CDS1: variants seen among roughly 807,000 people sequenced by gnomAD.
CDS1 encodes CDP-diacylglycerol synthase 1.
A neutral mutation model predicts 62.1 loss-of-function variants in CDS1; 41 were observed. The ratio of observed to expected loss-of-function variants is 0.66; its 90% CI spans 0.51 to 0.86. The LOEUF is 0.86. Among genes scored for constraint, CDS1 ranks in the 40% least tolerant of loss-of-function variants. CDS1 has a pLI of 0.00. For synonymous variants in CDS1, 185 were observed against 192.6 expected (o/e 0.96, Z 0.32); for missense variants, 470 against 550.1 (o/e 0.85, Z 1.46).
intron 1 of CDS1, among the ~76,000 whole-genome samples, chr4:84,596,599 C>T (rs987852845): frequency 4.6e-5 from 7 of 152,192 alleles, no homozygotes; most frequent in Non-Finnish European, 5.9e-5. Context: ...GATAAGCTCA[C>T]CACGTCAAGA....
chr4:84,637,792 A>T (rs1724258995), intron 8 of CDS1, among the ~76,000 whole-genome samples: 2 of 152,256 alleles, frequency 1.3e-5, no homozygotes, highest in African/African-American at 4.8e-5. Context: ...TCGATATGAT[A>T]TGCATCAATT....
rs998152761 is a variant in CDS1 at position 84,649,259 on chromosome 4, G to A, written c.*573G>A. The A allele has an allele frequency of 5.3e-5, 8 of 152,086 alleles. No homozygotes were observed. The highest frequency in any genetic ancestry group is 1.9e-4 in the African/African-American group (8 of 41,400). The allele number at this position is 152,086 out of a possible 1,614,324, so 9.4% of individuals were successfully genotyped here. On this transcript the variant is annotated 3_prime_UTR_variant, in exon 13 of 13. Coordinates refer to ENST00000295887, the MANE Select transcript of CDS1 (RefSeq NM_001263.4). ...GCCAGGGGAAAACATTCTGCTTTTA[G>A]GTAGTTTCAAAATTCAGGGGAGGGA...
chr4:84,598,793 A>G (rs927456252), intron 1 of CDS1, among the ~76,000 whole-genome samples: 8 of 152,220 alleles, frequency 5.3e-5, no homozygotes, highest in African/African-American at 1.9e-4. Context: ...AACTGACATA[A>G]TAGTTGTATA....
intron 1 of CDS1, among the ~76,000 whole-genome samples, chr4:84,595,214 C>T (rs1240035055): frequency 2.0e-5 from 3 of 152,028 alleles, no homozygotes; most frequent in Non-Finnish European, 2.9e-5. Flanking sequence ...CTGGTTTCTG[C>T]TTACTCCTTA....
chr4:84,650,918 C>T lies in CDS1; in HGVS notation c.*2232C>T, dbSNP rs1416197694. The T allele has an allele frequency of 6.6e-6, 1 of 152,086 alleles. No individual in the cohort carries two copies. The highest frequency in any genetic ancestry group is 1.5e-5 in the Non-Finnish European group (1 of 68,024). 9.4% of individuals were successfully genotyped at this position (152,086 alleles called of 1,614,324 possible). A position where few individuals can be genotyped will look rare whatever the true frequency, so the allele number is the denominator to read the frequency against. On this transcript the variant is annotated 3_prime_UTR_variant, in exon 13 of 13. Transcript: ENST00000295887. ...TTTGATATTTGCACTGTGAAGAGGG[C>T]TTAAATTCCAATGTAGCAATGTGGT...
At chr4:84,616,549 A>G (rs1016930366) in intron 3 of CDS1, among the ~76,000 whole-genome samples, 6 of 152,218 alleles carry the variant, frequency 3.9e-5, no homozygotes, top group Non-Finnish European at 7.3e-5. Flanking sequence ...TTTCAGTCAC[A>G]TAATATTTTA....
intron 1 of CDS1, among the ~76,000 whole-genome samples, chr4:84,596,398 G>GA (rs1200986098): frequency 2.6e-5 from 4 of 152,206 alleles, no homozygotes; most frequent in Non-Finnish European, 4.4e-5. Flanking sequence ...GGCTGCAGGG[G>GA]AAAATCTGTT....
intron 1 of CDS1, 63 bp downstream of exon 1, chr4:84,583,581 C>G: frequency 2.0e-6 from 2 of 1,015,916 alleles, no homozygotes; most frequent in Non-Finnish European, 1.4e-6. Flanking sequence ...AAGCGGGACA[C>G]TTGAGAGCAA....
intron 11 of CDS1, among the ~76,000 whole-genome samples, chr4:84,644,729 T>C (rs1724502531): frequency 6.6e-6 from 1 of 152,164 alleles, no homozygotes; most frequent in Non-Finnish European, 1.5e-5. Flanking sequence ...GTAATTTTAT[T>C]TTTTACTCTA....
rs775155921 is a variant in CDS1 at position 84,651,235 on chromosome 4, T to C, written c.*2549T>C. On this transcript the variant is annotated 3_prime_UTR_variant, in exon 13 of 13. Transcript: ENST00000295887. ...AAAAAGAAAAAGCATAAACAGTGTATATTTAGGGTATATGGGTGATAGCTT... is the reference window on the plus strand; with the variant it reads ...AAAAAGAAAAAGCATAAACAGTGTACATTTAGGGTATATGGGTGATAGCTT... The C allele has an allele frequency of 3.3e-5, 5 of 152,184 alleles. No homozygotes were observed. The highest frequency in any genetic ancestry group is 7.3e-5 in the Non-Finnish European group (5 of 68,040). The allele number at this position is 152,184 out of a possible 1,614,324, so 9.4% of individuals were successfully genotyped here. A position where few individuals can be genotyped will look rare whatever the true frequency, so the allele number is the denominator to read the frequency against.
chr4:84,609,913 G>A (rs970614736), intron 3 of CDS1, among the ~76,000 whole-genome samples: 33 of 152,028 alleles, frequency 2.2e-4, no homozygotes, highest in African/African-American at 7.5e-4. Context: ...CAGCTACTGG[G>A]GAGGCTGAGG....
chr4:84,609,180 C>CAAA (rs1230335142), intron 2 of CDS1, among the ~76,000 whole-genome samples: 6 of 91,444 alleles, frequency 6.6e-5, no homozygotes, highest in African/African-American at 1.6e-4. Flanking sequence ...GACTCCGTCT[C>CAAA]AAAAAAAAAA....
chr4:84,637,162 A>T (rs1030080487), intron 8 of CDS1, among the ~76,000 whole-genome samples: 49 of 152,144 alleles, frequency 3.2e-4, no homozygotes, highest in African/African-American at 1.2e-3. Context: ...CTGTATAAGG[A>T]TACTGGTAAG....
chr4:84,626,323 A>G (rs1723861134), intron 5 of CDS1, among the ~76,000 whole-genome samples: 1 of 152,240 alleles, frequency 6.6e-6, no homozygotes, highest in Non-Finnish European at 1.5e-5. Flanking sequence ...CAATAATTGC[A>G]TATTCACATG....
At chr4:84,603,146 G>T (rs187414872) in intron 1 of CDS1, among the ~76,000 whole-genome samples, 2 of 152,178 alleles carry the variant, frequency 1.3e-5, no homozygotes, top group Admixed American at 6.5e-5. Context: ...GAAACAGTTC[G>T]AAGGGGTGAT....
chr4:84,607,927 T>C (rs1723181573), intron 2 of CDS1, among the ~76,000 whole-genome samples: 1 of 152,194 alleles, frequency 6.6e-6, no homozygotes, highest in Admixed American at 6.5e-5. Context: ...ATAGGAGCAT[T>C]CAGAAATTCT....
intron 3 of CDS1, among the ~76,000 whole-genome samples, chr4:84,613,165 T>C (rs1171093895): frequency 1.3e-5 from 2 of 152,066 alleles, no homozygotes; most frequent in African/African-American, 4.8e-5. Context: ...TGGTACTCAA[T>C]TGATATTACT....
chr4:84,614,774 C>G (rs1045479750), intron 3 of CDS1, among the ~76,000 whole-genome samples: 26 of 152,226 alleles, frequency 1.7e-4, no homozygotes, highest in African/African-American at 6.3e-4. Context: ...TATACCCAGA[C>G]CAGGGTGGTC....
At chr4:84,611,117 A>G (rs1279757944) in intron 3 of CDS1, among the ~76,000 whole-genome samples, 3 of 152,236 alleles carry the variant, frequency 2.0e-5, no homozygotes, top group Admixed American at 2.0e-4. Context: ...GGGGAGGACC[A>G]TCACAGGCAG....
Sources: gnomAD v4.1 joint callset for allele counts (sites outside exome capture counted in the v4.1 genomes callset) on GRCh38, gnomAD v4.1.1 for gene constraint, MANE v1.5 for transcripts, NCBI Gene and HGNC (gene_info 2026-07-23, HGNC 2026-07-21) for gene names.